Variants in TRHDE observed in about 807,000 individuals in gnomAD.
TRHDE encodes thyrotropin releasing hormone degrading enzyme.
Under a neutral mutation model 125.7 loss-of-function variants are expected in TRHDE, and 72 were observed. The ratio of observed to expected loss-of-function variants is 0.57; its 90% CI spans 0.47 to 0.70. The LOEUF (loss-of-function observed/expected upper bound fraction) is 0.70. Ranked by LOEUF, TRHDE falls within the 30% of genes least tolerant of loss-of-function variation. The pLI, the probability that TRHDE is intolerant of heterozygous loss-of-function variation, is 0.00. For missense variants in TRHDE, 1,110 were observed against 1,327.1 expected, an observed-to-expected ratio of 0.84 and a Z score of 2.54; for synonymous variants, 509 against 509.1, an observed-to-expected ratio of 1.00 and a Z score of 0.00.
rs145761880 is a variant in TRHDE at position 72,370,041 on chromosome 12, G to C, written c.1189-7954G>C. Among the ~76,000 whole-genome samples the C allele has an allele frequency of 7.2e-3, 1,096 of 152,210 alleles. 10 individuals carry two copies. The highest frequency in any genetic ancestry group is 0.012 in the Non-Finnish European group (796 of 68,008). On this transcript the variant is annotated intron_variant, in intron 2 of 18. Transcript: ENST00000261180. ...GTGAATTATTGTACAAAATTCACTTGATTAACCATACAGGAATTACTCGGT... is the reference window on the plus strand; with the variant it reads ...GTGAATTATTGTACAAAATTCACTTCATTAACCATACAGGAATTACTCGGT...
chr12:72,410,202 GACAA>G lies in TRHDE; in HGVS notation c.1315+32087_1315+32090del, dbSNP rs752973608. ...CTAGAAAAACAAACTTACTAATGTT[GACAA>G]ACAAATATATATATATTAATAGTAT... On this transcript the variant is annotated intron_variant, in intron 3 of 18. Transcript: ENST00000261180. Among the ~76,000 whole-genome samples the G allele has an allele frequency of 1.7e-3, 254 of 151,816 alleles. 2 individuals are homozygous for G. The highest frequency in any genetic ancestry group is 6.9e-3 in the Middle Eastern group (2 of 290).
intron 15 of TRHDE, among the ~76,000 whole-genome samples, chr12:72,636,659 T>C (rs1392220386): frequency 1.3e-5 from 2 of 152,216 alleles, no homozygotes; most frequent in East Asian, 1.9e-4. Context: ...ATAGCTCTTA[T>C]TATTTTGAAG....
intron 12 of TRHDE, among the ~76,000 whole-genome samples, chr12:72,616,920 C>G (rs928226541): frequency 2.0e-5 from 3 of 151,932 alleles, no homozygotes; most frequent in Non-Finnish European, 2.9e-5. Context: ...ATTACAAAAT[C>G]TGAACTACTG....
At chr12:72,501,599 A>T (rs565245245) in intron 6 of TRHDE, among the ~76,000 whole-genome samples, 35 of 152,182 alleles carry the variant, frequency 2.3e-4, no homozygotes, top group Admixed American at 1.8e-3. Flanking sequence ...TTGCTAAAAA[A>T]ATGTTTAGAA....
Position 72,455,729 on chromosome 12 carries a change from A to G in TRHDE, c.1316-14029A>G, listed in dbSNP as rs115862193. Among the ~76,000 whole-genome samples the G allele has an allele frequency of 8.8e-3, 1,341 of 152,278 alleles. 24 individuals are homozygous for G. The highest frequency in any genetic ancestry group is 0.03 in the African/African-American group (1,250 of 41,558). ...GTTAGAAGTGTCAGAAATAAAAGTT[A>G]GAGGTATTGTATTTACTTAGCTAAT... On this transcript the variant is annotated intron_variant, in intron 3 of 18. Coordinates refer to ENST00000261180, the MANE Select transcript of TRHDE (RefSeq NM_013381.3).
At chr12:72,372,874 C>T (rs1030849297) in intron 2 of TRHDE, among the ~76,000 whole-genome samples, 36 of 152,308 alleles carry the variant, frequency 2.4e-4, no homozygotes, top group Admixed American at 1.6e-3. Flanking sequence ...GCGATGTGGG[C>T]TCTTTTTTGG....
At chr12:72,260,594 T>C (rs770810778) in intron 2 of TRHDE, among the ~76,000 whole-genome samples, 3 of 152,062 alleles carry the variant, frequency 2.0e-5, no homozygotes, top group Non-Finnish European at 4.4e-5. Context: ...ATTGAGACTC[T>C]AAAAGTAGAA....
chr12:72,170,437 G>A (rs560999418), intron 2 of TRHDE, among the ~76,000 whole-genome samples: 1 of 152,188 alleles, frequency 6.6e-6, no homozygotes, highest in African/African-American at 2.4e-5. Flanking sequence ...GTCAGCTGAT[G>A]TGGGAACAGC....
intron 9 of TRHDE, among the ~76,000 whole-genome samples, chr12:72,566,510 C>T (rs943600040): frequency 1.3e-5 from 2 of 151,372 alleles, no homozygotes; most frequent in South Asian, 2.1e-4. Flanking sequence ...TTATGTGAAT[C>T]GTTTTCTTGT....
chr12:72,436,259 A>G (rs1874740344), intron 3 of TRHDE, among the ~76,000 whole-genome samples: 1 of 151,958 alleles, frequency 6.6e-6, no homozygotes, highest in South Asian at 2.1e-4. Context: ...GTTTAGTTGA[A>G]TTTATAGACT....
intron 6 of TRHDE, among the ~76,000 whole-genome samples, chr12:72,513,549 A>C (rs1330677479): frequency 6.6e-6 from 1 of 152,118 alleles, no homozygotes; most frequent in Non-Finnish European, 1.5e-5. Flanking sequence ...ATGCTGTTGC[A>C]TATTTCCTAG....
chr12:72,332,486 C>T (rs1869650226), intron 2 of TRHDE, among the ~76,000 whole-genome samples: 1 of 152,104 alleles, frequency 6.6e-6, no homozygotes, highest in Non-Finnish European at 1.5e-5. Context: ...CCACTTATCA[C>T]CCAGGGGATG....
rs965525433 is a variant in TRHDE at position 72,426,503 on chromosome 12, A to C, written c.1316-43255A>C. Among the ~76,000 whole-genome samples the C allele has an allele frequency of 2.0e-5, 3 of 152,260 alleles. No individual in the cohort carries two copies. The East Asian group carries it at 5.8e-4, about 29-fold the overall frequency. ...TAAATAATCTACATGTATCTACTCC[A>C]TTAATCCTAACAAAAAGCTTAAGAG... On this transcript the variant is annotated intron_variant, in intron 3 of 18. Coordinates refer to ENST00000261180, the MANE Select transcript of TRHDE (RefSeq NM_013381.3).
chr12:72,378,274 A>G (rs144693449), intron 3 of TRHDE, among the ~76,000 whole-genome samples, 153 bp downstream of exon 3: 34 of 152,282 alleles, frequency 2.2e-4, no homozygotes, highest in Admixed American at 4.6e-4. Flanking sequence ...TTGAAGAGGT[A>G]AAATAAGATT....
chr12:72,553,777 C>A (rs1462048801), intron 7 of TRHDE, among the ~76,000 whole-genome samples: 1 of 151,084 alleles, frequency 6.6e-6, no homozygotes, highest in Non-Finnish European at 1.5e-5. Context: ...CAGGTTAGTA[C>A]ATATAATTTT....
chr12:72,588,054 A>G (rs1331539191), intron 12 of TRHDE, among the ~76,000 whole-genome samples: 1 of 152,178 alleles, frequency 6.6e-6, no homozygotes, highest in Non-Finnish European at 1.5e-5. Flanking sequence ...CTGGTAAGCG[A>G]TCAGCAAGCA....
intron 2 of TRHDE, chr12:72,253,491 A>G (rs1369528127): frequency 6.6e-6 from 1 of 152,138 alleles, no homozygotes; most frequent in Non-Finnish European, 1.5e-5. Flanking sequence ...TTCAGCATTA[A>G]GAATGACAGC....
chr12:72,298,276 C>A (rs923349936), intron 2 of TRHDE, among the ~76,000 whole-genome samples: 1 of 152,030 alleles, frequency 6.6e-6, no homozygotes, highest in Non-Finnish European at 1.5e-5. Context: ...TATTTTTTTC[C>A]TTCAGTAGAG....
chr12:72,409,948 T>C (rs145664220), intron 3 of TRHDE, among the ~76,000 whole-genome samples: 83 of 152,188 alleles, frequency 5.5e-4, no homozygotes, highest in African/African-American at 2.0e-3. Context: ...ATTAAAATAC[T>C]ATAAAACTAT....
Sources: gnomAD v4.1 joint callset for allele counts (sites outside exome capture counted in the v4.1 genomes callset) on GRCh38, gnomAD v4.1.1 for gene constraint, MANE v1.5 for transcripts, NCBI Gene and HGNC (gene_info 2026-07-23, HGNC 2026-07-21) for gene names.